PCDHA10: variants seen among roughly 807,000 people sequenced by gnomAD.
The protein encoded by PCDHA10 is protocadherin alpha-10.
Under a neutral mutation model 61.2 loss-of-function variants are expected in PCDHA10, and 45 were observed. The observed-to-expected ratio is 0.74, with a 90% CI of 0.58 to 0.94. PCDHA10 has a LOEUF of 0.94. Ranked by LOEUF, PCDHA10 falls within the 40% of genes least tolerant of loss-of-function variation. The pLI, the probability that PCDHA10 is intolerant of heterozygous loss-of-function variation, is 0.00. For missense variants in PCDHA10, 1,278 were observed against 1,236.2 expected (o/e 1.03, Z -0.51); for synonymous variants, 602 against 548.8 (o/e 1.10, Z -1.35).
intron 1 of PCDHA10, among the ~76,000 whole-genome samples, chr5:140,922,964 GTGGCA>G (rs1293947003): frequency 6.6e-6 from 1 of 152,186 alleles, no homozygotes; most frequent in East Asian, 1.9e-4. Context: ...TCTTCAGCCA[GTGGCA>G]TATCTCAGAC....
chr5:140,870,366 A>G, intron 1 of PCDHA10: 1 of 1,613,926 alleles, frequency 6.2e-7, no homozygotes, highest in South Asian at 1.1e-5. Flanking sequence ...GGGCCTATGA[A>G]CTGGTGGTGA....
At chr5:140,976,515 C>T (rs1285704969) in intron 1 of PCDHA10, among the ~76,000 whole-genome samples, 1 of 152,016 alleles carries the variant, frequency 6.6e-6, no homozygotes, top group Non-Finnish European at 1.5e-5. Flanking sequence ...CGCGCCACTG[C>T]ACACCAGCCT....
At chr5:140,967,362 C>A (rs1385889243) in intron 1 of PCDHA10, 2 of 1,607,452 alleles carry the variant, frequency 1.2e-6, no homozygotes, top group East Asian at 2.2e-5. Flanking sequence ...GACCTTAAGC[C>A]CCTGCAGGAG....
intron 1 of PCDHA10, among the ~76,000 whole-genome samples, chr5:140,933,619 T>C (rs2089273151): frequency 2.6e-5 from 4 of 152,058 alleles, no homozygotes; most frequent in Non-Finnish European, 2.9e-5. Flanking sequence ...TCTTATTAGG[T>C]TAGGCTGGCC....
chr5:140,956,194 A>G (rs1370463281), intron 1 of PCDHA10, among the ~76,000 whole-genome samples: 1 of 152,060 alleles, frequency 6.6e-6, no homozygotes, highest in Non-Finnish European at 1.5e-5. Flanking sequence ...GCTGAATAGG[A>G]GTGGTGAAAG....
At chr5:140,882,408 G>T in intron 1 of PCDHA10, 2 of 1,614,138 alleles carry the variant, frequency 1.2e-6, no homozygotes, top group Non-Finnish European at 8.5e-7. Flanking sequence ...TTCGTGGGCC[G>T]CATCGCTCAG....
chr5:140,991,191 A>G (rs1316296536), intron 3 of PCDHA10, among the ~76,000 whole-genome samples: 2 of 152,218 alleles, frequency 1.3e-5, no homozygotes, highest in South Asian at 2.1e-4. Flanking sequence ...CTAGCACACA[A>G]TGATGCTCAA....
At chr5:140,931,216 A>G (rs1347905969) in intron 1 of PCDHA10, among the ~76,000 whole-genome samples, 4 of 152,190 alleles carry the variant, frequency 2.6e-5, no homozygotes, top group African/African-American at 9.6e-5. Context: ...TTCAGGTATC[A>G]GAGCACTTAA....
At chr5:140,875,828 T>G (rs1259125673) in intron 1 of PCDHA10, 10 of 1,614,196 alleles carry the variant, frequency 6.2e-6, no homozygotes, top group Middle Eastern at 1.6e-4. Context: ...GTTTTCCATG[T>G]GGACGTGGAG....
chr5:140,903,688 A>G (rs1392078626), intron 1 of PCDHA10, among the ~76,000 whole-genome samples: 13 of 152,242 alleles, frequency 8.5e-5, no homozygotes, highest in Admixed American at 7.9e-4. Flanking sequence ...TTTGGTAAAT[A>G]GTTTAAAATA....
At chr5:140,877,007 C>T in intron 1 of PCDHA10, 2 of 1,612,430 alleles carry the variant, frequency 1.2e-6, no homozygotes, top group Non-Finnish European at 1.7e-6. Context: ...TCGGTGCACG[C>T]GGAGAGCGGC....
chr5:140,970,227 A>T (rs186622858), intron 1 of PCDHA10, among the ~76,000 whole-genome samples: 190 of 152,300 alleles, frequency 1.2e-3, no homozygotes, highest in African/African-American at 4.2e-3. Flanking sequence ...GCAGCCTGTA[A>T]TCTTCTGATT....
intron 1 of PCDHA10, chr5:140,869,477 A>C: frequency 6.2e-7 from 1 of 1,614,208 alleles, no homozygotes; most frequent in South Asian, 1.1e-5. Context: ...GAGGTGAAGG[A>C]CATTAACGAC....
chr5:140,995,899 A>G (rs900121248), intron 3 of PCDHA10, among the ~76,000 whole-genome samples: 2 of 152,226 alleles, frequency 1.3e-5, no homozygotes, highest in Non-Finnish European at 2.9e-5. Context: ...ATCAATGTAT[A>G]AAAGAGGAGA....
chr5:140,965,877 G>C (rs1355769719), intron 1 of PCDHA10, among the ~76,000 whole-genome samples: 3 of 152,210 alleles, frequency 2.0e-5, no homozygotes, highest in Non-Finnish European at 4.4e-5. Context: ...CCACTTGGCC[G>C]AGAGCAGAAT....
Position 140,986,130 on chromosome 5 carries a change from G to T in PCDHA10, c.2536+3567G>T, listed in dbSNP as rs150350316. ...AGATAAAGATGCCACACTCTGAAAGGATCAACAAGGGCATCACCAAGTAAT... is the reference window on the plus strand; with the variant it reads ...AGATAAAGATGCCACACTCTGAAAGTATCAACAAGGGCATCACCAAGTAAT... On this transcript the variant is annotated intron_variant, in intron 3 of 3. Coordinates refer to ENST00000307360, the MANE Select transcript of PCDHA10 (RefSeq NM_018901.4). 8.5e-5 allele frequency among the ~76,000 whole-genome samples: 13 copies of T among 152,216 alleles called. 1 individual carries two copies. The East Asian group carries it at 2.5e-3, about 29-fold the overall frequency.
intron 1 of PCDHA10, chr5:140,884,024 G>T: frequency 1.2e-6 from 2 of 1,613,318 alleles, no homozygotes; most frequent in South Asian, 2.2e-5. Flanking sequence ...GCGGTCGGTG[G>T]GTGCAGGCCA....
chr5:140,927,574 G>T, intron 1 of PCDHA10: 1 of 1,614,168 alleles, frequency 6.2e-7, no homozygotes, highest in Non-Finnish European at 8.5e-7. Flanking sequence ...GGACACAAAT[G>T]ACAACGCGCC....
At chr5:140,884,390 T>C in intron 1 of PCDHA10, 7 of 1,613,968 alleles carry the variant, frequency 4.3e-6, no homozygotes, top group Middle Eastern at 1.6e-4. Context: ...CTGCGCGGTG[T>C]CCAGCCTGTT....
Sources: allele counts gnomAD v4.1 joint callset (sites outside exome capture counted in the v4.1 genomes callset), GRCh38; gene constraint gnomAD v4.1.1; transcripts MANE v1.5; gene names NCBI Gene and HGNC (gene_info 2026-07-23, HGNC 2026-07-21).